Variants in CCDC146 observed in about 807,000 individuals in gnomAD.
CCDC146 encodes the protein coiled-coil domain-containing protein 146.
CCDC146 carries 92 observed loss-of-function variants against 119.3 expected under a neutral mutation model. The observed-to-expected ratio is 0.77, with a 90% CI of 0.65 to 0.92. The LOEUF is 0.92. CCDC146 is among the 40% of genes least tolerant of loss of function. The pLI, the probability that CCDC146 is intolerant of heterozygous loss-of-function variation, is 0.00. For synonymous variants in CCDC146, 372 were observed against 371.8 expected (o/e 1.00, Z -0.01); for missense variants, 1,000 against 1,103.0 (o/e 0.91, Z 1.32).
chr7:77,189,809 T>A (rs1301962345), intron 2 of CCDC146, among the ~76,000 whole-genome samples: 1 of 152,210 alleles, frequency 6.6e-6, no homozygotes, highest in African/African-American at 2.4e-5. Context: ...ATCCCAGACA[T>A]CTGCCTGGTT....
chr7:77,265,988 A>G (rs1355061272), intron 9 of CCDC146, among the ~76,000 whole-genome samples: 2 of 152,206 alleles, frequency 1.3e-5, no homozygotes, highest in East Asian at 3.9e-4. Flanking sequence ...TTAACCAAAG[A>G]CATCATACTG....
intron 1 of CCDC146, among the ~76,000 whole-genome samples, chr7:77,164,749 T>A (rs557811810): frequency 6.6e-6 from 1 of 152,348 alleles, no homozygotes; most frequent in East Asian, 1.9e-4. Flanking sequence ...GTAAATTTAA[T>A]GAATAAATGA....
chr7:77,251,196 A>AT (rs1344758699), intron 4 of CCDC146, among the ~76,000 whole-genome samples: 1 of 151,658 alleles, frequency 6.6e-6, no homozygotes, highest in Non-Finnish European at 1.5e-5. Flanking sequence ...TAATTTTTGT[A>AT]TTTTTTGTAG....
chr7:77,259,856 A>G, intron 7 of CCDC146, 153 bp from the exon 8 acceptor site: 1 of 611,360 alleles, frequency 1.6e-6, no homozygotes, highest in East Asian at 2.8e-5. Context: ...CACTGCTGAG[A>G]TCATTGAATT....
chr7:77,283,784 A>G (rs941109917), intron 15 of CCDC146, among the ~76,000 whole-genome samples: 2 of 152,138 alleles, frequency 1.3e-5, no homozygotes, highest in Non-Finnish European at 2.9e-5. Context: ...TCATGGGACT[A>G]GATGATAGAT....
At chr7:77,131,624 A>G (rs1790786733) in intron 1 of CCDC146, among the ~76,000 whole-genome samples, 1 of 152,224 alleles carries the variant, frequency 6.6e-6, no homozygotes, top group Non-Finnish European at 1.5e-5. Flanking sequence ...TGGCTGAGGC[A>G]GGAGGATCCC....
chr7:77,259,939 AGTGTGTGTGTGTGTGT>A (rs58669153), intron 7 of CCDC146, 54 bp from the exon 8 acceptor site: 19,163 of 753,900 alleles, frequency 0.025, 183 homozygotes, highest in African/African-American at 0.075. Flanking sequence ...AAATAAGGCA[AGTGTGTGTGTGTGTGT>A]GTGTGTGTGT....
rs151331055 is a variant in CCDC146, at chr7:77,261,160, T to TA, written c.986+925dup. On this transcript the variant is annotated intron_variant, in intron 8 of 18. Coordinates refer to ENST00000285871, the MANE Select transcript of CCDC146 (RefSeq NM_020879.3). ...AAACTTTTAAGTTCAAGGTTACACA[T>TA]ACAGGTTTGTTATAGGTAAACTTGT... Among the ~76,000 whole-genome samples, 89 of 152,272 alleles carry TA rather than the reference T, an allele frequency of 5.8e-4. 1 individual carries two copies. Among genetic ancestry groups the TA allele is most frequent in the Non-Finnish European group, 9.3e-4 (63 of 68,028 alleles).
chr7:77,146,518 A>G (rs1367751536), intron 1 of CCDC146, among the ~76,000 whole-genome samples: 1 of 152,124 alleles, frequency 6.6e-6, no homozygotes, highest in African/African-American at 2.4e-5. Context: ...TGGTCTTTAC[A>G]ATTTGGCATG....
chr7:77,185,171 G>A (rs1227566615), intron 2 of CCDC146, among the ~76,000 whole-genome samples: 1 of 152,020 alleles, frequency 6.6e-6, no homozygotes, highest in Non-Finnish European at 1.5e-5. Flanking sequence ...AGATGACATT[G>A]GAAATGCTCC....
At chr7:77,256,808 T>C (rs1793188465) in intron 6 of CCDC146, among the ~76,000 whole-genome samples, 1 of 152,138 alleles carries the variant, frequency 6.6e-6, no homozygotes, top group Admixed American at 6.6e-5. Flanking sequence ...AATTGTTTCC[T>C]TGAAGAACAA....
intron 4 of CCDC146, among the ~76,000 whole-genome samples, chr7:77,249,486 CAAAAAAAAA>C (rs36137608): frequency 1.0e-5 from 1 of 96,754 alleles, no homozygotes; most frequent in Non-Finnish European, 2.1e-5. Context: ...GACTCTGTCT[CAAAAAAAAA>C]AAAAAAAAAA....
At chr7:77,259,821 G>A (rs111287164) in intron 7 of CCDC146, 188 bp from the exon 8 acceptor site, 2 of 536,652 alleles carry the variant, frequency 3.7e-6, no homozygotes, top group African/African-American at 3.9e-5. Flanking sequence ...TACCCTCCAA[G>A]TCCCACCCAT....
chr7:77,215,907 AT>A (rs1390846095), intron 2 of CCDC146, among the ~76,000 whole-genome samples: 2 of 151,982 alleles, frequency 1.3e-5, no homozygotes, highest in African/African-American at 2.4e-5. Context: ...CAATTGGTTT[AT>A]TTTTTTCAAA....
At chr7:77,254,626 A>G in intron 5 of CCDC146, 63 bp downstream of exon 5, 1 of 910,730 alleles carries the variant, frequency 1.1e-6, no homozygotes, top group Non-Finnish European at 1.7e-6. Flanking sequence ...CTTTTTATAA[A>G]TATTAATGTT....
intron 1 of CCDC146, among the ~76,000 whole-genome samples, chr7:77,131,910 G>A (rs868114567): frequency 2.0e-5 from 3 of 152,202 alleles, no homozygotes; most frequent in Non-Finnish European, 2.9e-5. Flanking sequence ...TGACTACAAA[G>A]GGGTACTGCA....
chr7:77,215,336 C>T (rs1241606827), intron 2 of CCDC146, among the ~76,000 whole-genome samples: 4 of 152,012 alleles, frequency 2.6e-5, no homozygotes, highest in Admixed American at 2.6e-4. Context: ...ATCCCTTTGA[C>T]ATGATTCTAG....
At chr7:77,275,957 A>G (rs992786551) in intron 11 of CCDC146, among the ~76,000 whole-genome samples, 1 of 152,156 alleles carries the variant, frequency 6.6e-6, no homozygotes, top group African/African-American at 2.4e-5. Context: ...CTGTAATCTC[A>G]GCACTTTGGG....
chr7:77,160,311 A>C lies in CCDC146; in HGVS notation c.-11-7347A>C, dbSNP rs1460986137. 2.4e-4 allele frequency among the ~76,000 whole-genome samples: 37 copies of C among 152,190 alleles called. No individual in the cohort carries two copies. The East Asian group carries it at 6.2e-3, about 25-fold the overall frequency. On this transcript the variant is annotated intron_variant, in intron 1 of 18. Coordinates refer to ENST00000285871, the MANE Select transcript of CCDC146 (RefSeq NM_020879.3). ...TTTTTTCCAATTCTGTGAAGAAAGT[A>C]ATTGGTAGCTTGATGGGGATGGCAT...
Sources: allele counts gnomAD v4.1 joint callset (sites outside exome capture counted in the v4.1 genomes callset), GRCh38; gene constraint gnomAD v4.1.1; transcripts MANE v1.5; gene names NCBI Gene and HGNC (gene_info 2026-07-23, HGNC 2026-07-21).